The following OSBPL3 variants were observed in gnomAD, a reference collection of about 807,000 sequenced individuals.
OSBPL3 encodes oxysterol binding protein like 3, also known as oxysterol-binding protein-related protein 3.
A neutral mutation model predicts 120.1 loss-of-function variants in OSBPL3; 65 were observed. The ratio of observed to expected loss-of-function variants is 0.54; its 90% confidence interval spans 0.44 to 0.67. OSBPL3 has a LOEUF of 0.67. Among genes scored for constraint, OSBPL3 ranks in the 30% least tolerant of loss-of-function variants. The pLI, the probability that OSBPL3 is intolerant of heterozygous loss-of-function variation, is 0.00. For synonymous variants in OSBPL3, 416 were observed against 402.6 expected, an observed-to-expected ratio of 1.03 and a Z score of -0.40; for missense variants, 1,004 against 1,082.1, an observed-to-expected ratio of 0.93 and a Z score of 1.01.
In OSBPL3 at chr7:24,894,577, G is replaced by T. The variant is rs1805854171; in HGVS notation, c.-149-1956C>A. 6.6e-6 allele frequency among the ~76,000 whole-genome samples: 1 copy of T among 152,156 alleles called. No homozygotes were observed. Among genetic ancestry groups the T allele is most frequent in the Non-Finnish European group, 1.5e-5 (1 of 68,022 alleles). On this transcript the variant is annotated intron_variant, in intron 1 of 22. Transcript: ENST00000313367. The surrounding 1 kb of genome is among the most constrained non-coding windows in gnomAD (Gnocchi z 4.1). ...GTGTGTCTGTGCTTGGGGCGGGGAG[G>T]GGGCATCCACTGCTATGGCAACAGA...
Position 24,799,963 on chromosome 7 carries a change from G to T in OSBPL3, c.*220C>A, listed in dbSNP as rs1348704521. The T allele has an allele frequency of 4.0e-6, 1 of 252,610 alleles. No individual in the cohort carries two copies. Among genetic ancestry groups the T allele is most frequent in the Non-Finnish European group, 7.5e-6 (1 of 133,574 alleles). 15.6% of individuals were successfully genotyped at this position (252,610 alleles called of 1,614,324 possible). ...TTATTAAATAGTTTATATATAAAAAGAAATGTCAAGGTGTTCTACATTCAT... is the reference window on the plus strand; with the variant it reads ...TTATTAAATAGTTTATATATAAAAATAAATGTCAAGGTGTTCTACATTCAT... On this transcript the variant is annotated 3_prime_UTR_variant, in exon 23 of 23. Coordinates refer to ENST00000313367, the MANE Select transcript of OSBPL3 (RefSeq NM_015550.4). This position sits in a 1 kb window ranked among gnomAD's most constrained non-coding sequence, Gnocchi z 5.3.
At chr7:24,886,320 C>A (rs1053810637) in intron 2 of OSBPL3, among the ~76,000 whole-genome samples, 1 of 152,202 alleles carries the variant, frequency 6.6e-6, no homozygotes, top group African/African-American at 2.4e-5. Context: ...TCTAGAGCTG[C>A]GTCTTTACTT....
rs1562990699 is a variant in OSBPL3 at position 24,938,686 on chromosome 7, A to T, written c.-150+41200T>A. 6.6e-6 allele frequency among the ~76,000 whole-genome samples: 1 copy of T among 152,116 alleles called. No individual in the cohort carries two copies. Among genetic ancestry groups the T allele is most frequent in the Admixed American group, 6.5e-5 (1 of 15,272 alleles). ...TGTTTTTAGGCTTCCTGGAAGTCCC[A>T]TACAATACTCCTAAATAACATACAC... is the stretch of plus-strand genomic sequence containing the variant. On this transcript the variant is annotated intron_variant, in intron 1 of 22. Transcript: ENST00000313367. This position sits in a 1 kb window ranked among gnomAD's most constrained non-coding sequence, Gnocchi z 5.8.
intron 12 of OSBPL3, among the ~76,000 whole-genome samples, chr7:24,843,405 A>G (rs2128207874): frequency 6.6e-6 from 1 of 152,212 alleles, no homozygotes; most frequent in South Asian, 2.1e-4. Context: ...AACCACTCGT[A>G]TTTTTTATTG....
chr7:24,908,991 C>T lies in OSBPL3; in HGVS notation c.-149-16370G>A, dbSNP rs538072181. Among the ~76,000 whole-genome samples the T allele has an allele frequency of 7.0e-4, 107 of 152,350 alleles. 1 individual carries two copies. Among genetic ancestry groups the T allele is most frequent in the African/African-American group, 2.4e-3 (101 of 41,584 alleles). ...TTACTTTGCGTGTCCTTTTCAAGCA[C>T]ATGGTCTACCTTTCCCCAAAAAGTA... On this transcript the variant is annotated intron_variant, in intron 1 of 22. Transcript: ENST00000313367.
At chr7:24,926,550 C>A (rs933856520) in intron 1 of OSBPL3, among the ~76,000 whole-genome samples, 1 of 152,208 alleles carries the variant, frequency 6.6e-6, no homozygotes, top group South Asian at 2.1e-4. Flanking sequence ...CTTCCAGCCA[C>A]ACAAATCCAC....
chr7:24,943,869 T>G (rs576429666), intron 1 of OSBPL3, among the ~76,000 whole-genome samples: 1 of 152,304 alleles, frequency 6.6e-6, no homozygotes, highest in East Asian at 1.9e-4. Context: ...TTGATATTTA[T>G]CATTGTACTC....
chr7:24,943,005 T>C (rs1184501583), intron 1 of OSBPL3, among the ~76,000 whole-genome samples: 4 of 152,226 alleles, frequency 2.6e-5, no homozygotes, highest in Non-Finnish European at 4.4e-5. Context: ...TAAGATGCTA[T>C]GGCAATGCCT....
chr7:24,924,560 T>C (rs1810806973), intron 1 of OSBPL3, among the ~76,000 whole-genome samples: 1 of 152,234 alleles, frequency 6.6e-6, no homozygotes. Flanking sequence ...GGTATTGCTA[T>C]GGTGACATTT....
rs10591188 is a variant in OSBPL3, at chr7:24,909,783, CTTTTTT to C, written c.-149-17168_-149-17163del. On this transcript the variant is annotated intron_variant, in intron 1 of 22. Transcript: ENST00000313367. ...GAAAGCTACTGTTTTTTTTTTCTTT[CTTTTTT>C]TTTTTTTTTTTTTTTTTTTGGAGAC... is the stretch of plus-strand genomic sequence containing the variant. Among the ~76,000 whole-genome samples the C allele has an allele frequency of 9.8e-3, 760 of 77,246 alleles. 4 individuals carry two copies. Among genetic ancestry groups the C allele is most frequent in the South Asian group, 0.024 (45 of 1,862 alleles). 50.7% of individuals were successfully genotyped at this position (77,246 alleles called of 152,430 possible).
chr7:24,963,624 C>T (rs1182034412), intron 1 of OSBPL3, among the ~76,000 whole-genome samples: 1 of 152,172 alleles, frequency 6.6e-6, no homozygotes, highest in African/African-American at 2.4e-5. Context: ...TGGAATCTGC[C>T]AGCATAGCAT....
Position 24,980,010 on chromosome 7 carries a change from C to G in OSBPL3, c.-274G>C, listed in dbSNP as rs1485125826. The G allele has an allele frequency of 6.1e-6, 6 of 985,472 alleles. No homozygotes were observed. Among genetic ancestry groups the G allele is most frequent in the Non-Finnish European group, 7.2e-6 (6 of 830,008 alleles). The allele number at this position is 985,472 out of a possible 1,614,324, so 61.0% of individuals were successfully genotyped here. On this transcript the variant is annotated 5_prime_UTR_variant, in exon 1 of 23. Transcript: ENST00000313367. ...CCCCCGCAACGTGCAGCTGACAGCT[C>G]CCGCACCGGCCGCAGGAGTCGGGGG...
At chr7:24,845,443 G>A (rs1428676939) in intron 12 of OSBPL3, among the ~76,000 whole-genome samples, 2 of 117,812 alleles carry the variant, frequency 1.7e-5, no homozygotes, top group Admixed American at 8.0e-5. Flanking sequence ...GTATTTGTGT[G>A]TATGTGTGTG....
chr7:24,954,410 T>C (rs911015725), intron 1 of OSBPL3, among the ~76,000 whole-genome samples: 2 of 152,192 alleles, frequency 1.3e-5, no homozygotes, highest in African/African-American at 4.8e-5. Flanking sequence ...TTATAGCTAC[T>C]CTTATGCCAA....
rs113527986 is a variant in OSBPL3 at position 24,819,670 on chromosome 7, CT to C, written c.1948+504del. ...GCTTATATGTTCCTTCTACAGTACA[CT>C]TTTTTTTAATAAATTGAGAGATTAA... On this transcript the variant is annotated intron_variant, in intron 17 of 22. Coordinates refer to ENST00000313367, the MANE Select transcript of OSBPL3 (RefSeq NM_015550.4). This position sits in a 1 kb window ranked among gnomAD's most constrained non-coding sequence, Gnocchi z 4.1. Among the ~76,000 whole-genome samples, 11 of 151,970 alleles carry C rather than the reference CT, an allele frequency of 7.2e-5. No homozygotes were observed. Among genetic ancestry groups the C allele is most frequent in the South Asian group, 4.2e-4 (2 of 4,798 alleles).
rs1796344474 is a variant in OSBPL3 at position 24,831,377 on chromosome 7, C to T, written c.1747-472G>A. Among the ~76,000 whole-genome samples the T allele has an allele frequency of 6.6e-6, 1 of 152,028 alleles. No homozygotes were observed. Among genetic ancestry groups the T allele is most frequent in the African/African-American group, 2.4e-5 (1 of 41,376 alleles). ...ATTCAAAATGTGGTATTATAGAAACCAAAACATTCATTTTGACCAAAGAAA... is the reference window on the plus strand; with the variant it reads ...ATTCAAAATGTGGTATTATAGAAACTAAAACATTCATTTTGACCAAAGAAA... On this transcript the variant is annotated intron_variant, in intron 15 of 22. Coordinates refer to ENST00000313367, the MANE Select transcript of OSBPL3 (RefSeq NM_015550.4). This position sits in a 1 kb window ranked among gnomAD's most constrained non-coding sequence, Gnocchi z 4.0.
rs1442352678 is a variant in OSBPL3, at chr7:24,964,598, A to G, written c.-150+15288T>C. On this transcript the variant is annotated intron_variant, in intron 1 of 22. Transcript: ENST00000313367. The surrounding 1 kb of genome is among the most constrained non-coding windows in gnomAD (Gnocchi z 4.2). ...ACAGCCAAGAGGAATCTAAGGAGAC[A>G]TGGCAACCAAGATAATGTAGAACCC... is the stretch of plus-strand genomic sequence containing the variant. Among the ~76,000 whole-genome samples the G allele has an allele frequency of 6.6e-6, 1 of 152,236 alleles. No homozygotes were observed. The highest frequency in any genetic ancestry group is 1.5e-5 in the Non-Finnish European group (1 of 68,042).
chr7:24,900,879 G>C lies in OSBPL3; in HGVS notation c.-149-8258C>G, dbSNP rs373055437. On this transcript the variant is annotated intron_variant, in intron 1 of 22. Coordinates refer to ENST00000313367, the MANE Select transcript of OSBPL3 (RefSeq NM_015550.4). This position sits in a 1 kb window ranked among gnomAD's most constrained non-coding sequence, Gnocchi z 4.5. Reference sequence around the variant, plus strand: ...ACGAACCTAATACAAAAATTAGCTAGGCGTGCTAGTGCACACCTGTAGTAT... The same window carrying C: ...ACGAACCTAATACAAAAATTAGCTACGCGTGCTAGTGCACACCTGTAGTAT... 1.4e-4 allele frequency among the ~76,000 whole-genome samples: 21 copies of C among 152,284 alleles called. 1 individual carries two copies. Among genetic ancestry groups the C allele is most frequent in the African/African-American group, 5.1e-4 (21 of 41,548 alleles).
intron 12 of OSBPL3, 90 bp downstream of exon 12, chr7:24,848,979 G>A: frequency 4.6e-6 from 4 of 867,568 alleles, no homozygotes; most frequent in Non-Finnish European, 7.7e-6. Flanking sequence ...CACCCATGAG[G>A]GGAAGCAGGG....
Sources: allele counts gnomAD v4.1 joint callset (sites outside exome capture counted in the v4.1 genomes callset), GRCh38; gene constraint gnomAD v4.1.1; non-coding constraint Gnocchi (gnomAD v3.1); transcripts MANE v1.5; gene names NCBI Gene and HGNC (gene_info 2026-07-23, HGNC 2026-07-21).